The following SARDH variants were observed in gnomAD, a reference collection of about 807,000 sequenced individuals.
SARDH encodes sarcosine dehydrogenase, mitochondrial.
SARDH carries 95 observed loss-of-function variants against 109.1 expected under a neutral mutation model. That is an observed-to-expected ratio of 0.87 (90% CI 0.74 to 1.03). The LOEUF (loss-of-function observed/expected upper bound fraction) is 1.03. Among genes scored for constraint, SARDH ranks in the 50% least tolerant of loss-of-function variants. The probability of loss-of-function intolerance (pLI) is 0.00; values close to 1 mark genes in which losing one functional copy is unlikely to be tolerated. For missense variants in SARDH, 1,267 were observed against 1,287.8 expected, an observed-to-expected ratio of 0.98 and a Z score of 0.25; for synonymous variants, 572 against 534.8, an observed-to-expected ratio of 1.07 and a Z score of -0.96.
intron 4 of SARDH, among the ~76,000 whole-genome samples, 175 bp from the exon 5 acceptor site, chr9:133,730,362 AC>A (rs1372719313): frequency 1.3e-5 from 2 of 151,680 alleles, no homozygotes; most frequent in Non-Finnish European, 2.9e-5. Flanking sequence ...AGAAAACTAG[AC>A]CCACCCATGC....
chr9:133,726,754 TC>T (rs374304579), intron 6 of SARDH, among the ~76,000 whole-genome samples: 2 of 152,302 alleles, frequency 1.3e-5, no homozygotes, highest in East Asian at 3.9e-4. Flanking sequence ...TTCCATCTGA[TC>T]CCTGCCTGAT....
intron 8 of SARDH, among the ~76,000 whole-genome samples, chr9:133,716,614 G>A (rs1392644523): frequency 6.6e-6 from 1 of 152,224 alleles, no homozygotes; most frequent in African/African-American, 2.4e-5. Context: ...CCCCAGGCCA[G>A]TAGGGTGGGG....
downstream of SARDH, among the ~76,000 whole-genome samples, chr9:133,661,867 G>GA (rs893331762): frequency 5.3e-5 from 8 of 152,068 alleles, no homozygotes; most frequent in Non-Finnish European, 7.4e-5. Context: ...AATATTTCCA[G>GA]AAAAAAAATT....
Position 133,733,874 on chromosome 9 carries a change from C to A in SARDH, c.300G>T (p.Arg100=). ...TGTGCCAGGTGGTCCCGGAGGTCAG[C>A]CGCTCCCGCTCCAGCAGCACCGCCC... ...MSGAVLLERE[R]LTSGTTWHTA... Residue 100 remains arginine (R), a synonymous_variant, in exon 2 of 21, where the codon CGG becomes CGT. Coordinates refer to ENST00000439388, the MANE Select transcript of SARDH (RefSeq NM_001134707.2). 6.7e-7 allele frequency: 1 copy of A among 1,487,308 alleles called. No individual in the cohort carries two copies. The highest frequency in any genetic ancestry group is 8.9e-7 in the Non-Finnish European group (1 of 1,118,442). The allele number at this position is 1,487,308 out of a possible 1,614,324, so 92.1% of individuals were successfully genotyped here.
chr9:133,725,809 C>T (rs894396342), intron 6 of SARDH: 4 of 227,908 alleles, frequency 1.8e-5, no homozygotes, highest in South Asian at 1.6e-4. Flanking sequence ...GCAGGCATGG[C>T]GTGTGGACTC....
intron 13 of SARDH, among the ~76,000 whole-genome samples, chr9:133,696,595 A>T (rs111262551): frequency 1.9e-3 from 288 of 152,348 alleles, no homozygotes; most frequent in Admixed American, 3.1e-3. Context: ...ATAAGGCTCA[A>T]TAAATTCAAA....
chr9:133,734,380 C>CTCATTCACTCATTCACTCATTCACTCAT lies in SARDH; in HGVS notation c.-30-178_-30-177insATGAGTGAATGAGTGAATGAGTGAATGA, dbSNP rs1564304042. Among the ~76,000 whole-genome samples, 195 of 149,530 alleles carry CTCATTCACTCATTCACTCATTCACTCAT rather than the reference C, an allele frequency of 1.3e-3. 3 individuals are homozygous for CTCATTCACTCATTCACTCATTCACTCAT. Among genetic ancestry groups the CTCATTCACTCATTCACTCATTCACTCAT allele is most frequent in the African/African-American group, 4.7e-3 (183 of 39,022 alleles). ...ATTCATTCACTCATTCATTCATTCA[C>CTCATTCACTCATTCACTCATTCACTCAT]TCATTCATTCATTCACTCATTCATT... is the stretch of plus-strand genomic sequence containing the variant. On this transcript the variant is annotated intron_variant, in intron 1 of 20. Coordinates refer to ENST00000439388, the MANE Select transcript of SARDH (RefSeq NM_001134707.2).
At chr9:133,671,088 C>T (rs779325169) in intron 18 of SARDH, among the ~76,000 whole-genome samples, 39 of 152,278 alleles carry the variant, frequency 2.6e-4, no homozygotes, top group Non-Finnish European at 4.3e-4. Context: ...GTGCCCAACA[C>T]GCTGGGGAAC....
chr9:133,731,384 T>C lies in SARDH; in HGVS notation c.611A>G (p.Tyr204Cys). Reference sequence around the variant, plus strand: ...GTCCATGGTACCGTCGTGCGGCACATACAGGGTCCCGTAGAGGTCGTCCAC... The same window carrying C: ...GTCCATGGTACCGTCGTGCGGCACACACAGGGTCCCGTAGAGGTCGTCCAC... Reference protein sequence around the residue: ...MNVDDLYGTLYVPHDGTMDPA... With the variant: ...MNVDDLYGTLCVPHDGTMDPA... Residue 204 changes from tyrosine to cysteine, a missense_variant, in exon 4 of 21, where the codon TAT becomes TGT. By Grantham distance (194) the Tyr-to-Cys change is radical (BLOSUM62 -2). Coordinates refer to ENST00000439388, the MANE Select transcript of SARDH (RefSeq NM_001134707.2). The C allele has an allele frequency of 6.2e-7, 1 of 1,614,182 alleles. No individual in the cohort carries two copies. Among genetic ancestry groups the C allele is most frequent in the East Asian group, 2.2e-5 (1 of 44,868 alleles).
Position 133,732,451 on chromosome 9 carries a change from C to T in SARDH, c.482G>A (p.Arg161His), listed in dbSNP as rs1234578264. The change falls in exon 3 of 21, where the codon CGC (arginine) becomes CAC (histidine). Residue 161 changes from arginine to histidine, a missense_variant. Coordinates refer to ENST00000439388, the MANE Select transcript of SARDH (RefSeq NM_001134707.2). ...CATGAGCCTCTTGTACTCGTCCAGG[C>T]GCTGCCGGTTGGACGCGATGAAGAG... ...GGLFIASNRQ[R>H]LDEYKRLMSL... 9 of 1,593,256 alleles carry T rather than the reference C, an allele frequency of 5.6e-6. No homozygotes were observed. Among genetic ancestry groups the T allele is most frequent in the Non-Finnish European group, 6.9e-6 (8 of 1,167,322 alleles).
intron 4 of SARDH, 36 bp downstream of exon 4, chr9:133,731,269 G>C: frequency 6.2e-7 from 1 of 1,609,492 alleles, no homozygotes; most frequent in South Asian, 1.1e-5. Flanking sequence ...GAGTGGGCTG[G>C]GAACAGGGGA....
chr9:133,726,919 G>C (rs1197762517), intron 6 of SARDH, among the ~76,000 whole-genome samples: 1 of 152,104 alleles, frequency 6.6e-6, no homozygotes, highest in Non-Finnish European at 1.5e-5. Flanking sequence ...TGTCCTTCCT[G>C]CAGCACAGCC....
Position 133,717,410 on chromosome 9 carries a change from C to T in SARDH, c.1066G>A (p.Val356Met), listed in dbSNP as rs760194057. The T allele has an allele frequency of 3.7e-6, 6 of 1,614,022 alleles. No homozygotes were observed. The highest frequency in any genetic ancestry group is 3.3e-5 in the Admixed American group (2 of 60,008). Residue 356 changes from valine (V) to methionine (M), a missense_variant, in exon 8 of 21, where the codon GTG becomes ATG. By Grantham distance (21) the Val-to-Met change is conservative. Transcript: ENST00000439388. ...GCGCCTTCAATGTGCTGGGTGAACA[C>T]CTCCCAGTCCAGGTCAAAGAGGCCG... Reference protein sequence around the residue: ...AFGLFDLDWEVFTQHIEGAIN... With the variant: ...AFGLFDLDWEMFTQHIEGAIN...
intron 3 of SARDH, among the ~76,000 whole-genome samples, chr9:133,731,886 C>G (rs1474272032): frequency 6.6e-6 from 1 of 152,096 alleles, no homozygotes; most frequent in East Asian, 1.9e-4. Context: ...TGAGAGGTTT[C>G]CCAGTCAGAC....
In SARDH at chr9:133,685,185, G is replaced by T. The variant is rs571790478; in HGVS notation, c.2163+8C>A. ...ACGACCCAGAGGACGTGGCCAGCTG[G>T]AACCTACCAGGTGCCCTGCGGCTCT... On this transcript the variant is annotated splice_region_variant and intron_variant, in intron 17 of 20. Coordinates refer to ENST00000439388, the MANE Select transcript of SARDH (RefSeq NM_001134707.2). 1.9e-5 allele frequency: 31 copies of T among 1,613,356 alleles called. No individual in the cohort carries two copies. Among genetic ancestry groups the T allele is most frequent in the Non-Finnish European group, 2.5e-5 (29 of 1,179,608 alleles).
chr9:133,670,750 A>G lies in SARDH; in HGVS notation c.2329T>C (p.Tyr777His), dbSNP rs1452521150. ...AIDSLSIEKGYRHWHADLRPD... is the reference protein window; with the variant it reads ...AIDSLSIEKGHRHWHADLRPD... The stretch of plus-strand genomic sequence containing the variant: ...CGCAGGTCCGCGTGCCAGTGCCGGT[A>G]GCCTGTGGGAAGGGAATCCATGGGG... The change falls in exon 19 of 21, where the codon TAC becomes CAC. Residue 777 changes from tyrosine (Y) to histidine (H), a missense_variant and splice_region_variant. Transcript: ENST00000439388. The G allele has an allele frequency of 6.4e-7, 1 of 1,569,566 alleles. No homozygotes were observed. The highest frequency in any genetic ancestry group is 8.6e-7 in the Non-Finnish European group (1 of 1,159,846).
At chr9:133,701,585 G>C (rs1187726049) in intron 13 of SARDH, among the ~76,000 whole-genome samples, 1 of 152,200 alleles carries the variant, frequency 6.6e-6, no homozygotes, top group Non-Finnish European at 1.5e-5. Context: ...CATCTCCCCC[G>C]AGCTCCCACA....
chr9:133,699,737 G>A (rs180999719), intron 13 of SARDH, among the ~76,000 whole-genome samples: 109 of 152,286 alleles, frequency 7.2e-4, no homozygotes, highest in African/African-American at 2.6e-3. Flanking sequence ...TGTTGGCGAG[G>A]ATGTGGAGAC....
At chr9:133,674,220 A>C (rs1830443307) in intron 17 of SARDH, among the ~76,000 whole-genome samples, 1 of 152,248 alleles carries the variant, frequency 6.6e-6, no homozygotes, top group African/African-American at 2.4e-5. Flanking sequence ...CATCCAGAAC[A>C]AACACGGGCT....
Sources: allele counts gnomAD v4.1 joint callset (sites outside exome capture counted in the v4.1 genomes callset), GRCh38; gene constraint gnomAD v4.1.1; transcripts MANE v1.5; gene names NCBI Gene and HGNC (gene_info 2026-07-23, HGNC 2026-07-21).